Variants in EVI5 observed in about 807,000 individuals in gnomAD.
EVI5 encodes ecotropic viral integration site 5.
A neutral mutation model predicts 112.0 loss-of-function variants in EVI5; 73 were observed. The observed-to-expected ratio is 0.65, with a 90% CI of 0.54 to 0.79. The LOEUF (loss-of-function observed/expected upper bound fraction) is 0.79, where lower values mean the gene tolerates loss of function less well. Among genes scored for constraint, EVI5 ranks in the 30% least tolerant of loss-of-function variants. The probability of loss-of-function intolerance (pLI) is 0.00; values close to 1 mark genes in which losing one functional copy is unlikely to be tolerated. For synonymous variants in EVI5, 305 were observed against 319.9 expected (o/e 0.95, Z 0.50); for missense variants, 900 against 968.8 (o/e 0.93, Z 0.94).
At position 92,785,105 on chromosome 1, in the gene EVI5, G is replaced by C; in HGVS notation, c.-351C>G. 1.0e-6 allele frequency: 1 copy of C among 985,466 alleles called. No homozygotes were observed. Among genetic ancestry groups the C allele is most frequent in the Non-Finnish European group, 1.2e-6 (1 of 829,990 alleles). 61.0% of individuals were successfully genotyped at this position (985,466 alleles called of 1,614,324 possible). ...GGTCCGGCCCGGCCGCGTCAGGAGA[G>C]CCCAAGGCGCAGGCGCGGGAGGGCC... On this transcript the variant is annotated 5_prime_UTR_variant, in exon 1 of 20. Transcript: ENST00000684568.
chr1:92,656,075 T>G (rs1025687907), intron 13 of EVI5, among the ~76,000 whole-genome samples: 2 of 152,126 alleles, frequency 1.3e-5, no homozygotes, highest in African/African-American at 4.8e-5. Context: ...GGACATTCTA[T>G]TCAACAACCA....
At chr1:92,547,901 C>T (rs1390052114) in intron 19 of EVI5, among the ~76,000 whole-genome samples, 4 of 152,152 alleles carry the variant, frequency 2.6e-5, no homozygotes, top group African/African-American at 9.7e-5. Context: ...GATTCACAGC[C>T]GAATTCCACC....
chr1:92,606,032 A>G (rs1650295751), intron 17 of EVI5, among the ~76,000 whole-genome samples: 1 of 152,212 alleles, frequency 6.6e-6, no homozygotes, highest in Admixed American at 6.5e-5. Context: ...CATTCTCAAA[A>G]CCTGCAAAGG....
At chr1:92,712,459 C>T (rs1211041078) in intron 2 of EVI5, among the ~76,000 whole-genome samples, 1 of 151,878 alleles carries the variant, frequency 6.6e-6, no homozygotes, top group African/African-American at 2.4e-5. Flanking sequence ...TCCAGAAAAA[C>T]AAGCCTAGCC....
Position 92,510,462 on chromosome 1 carries a change from A to G in EVI5, c.*3194T>C, listed in dbSNP as rs1181909890. On this transcript the variant is annotated 3_prime_UTR_variant, in exon 20 of 20. Transcript: ENST00000684568. ...TTTTCCCTTTTGAATAGTTCTGATT[A>G]TAATATCCACCATGAAATTTTACGT... 1 of 152,240 alleles carries G rather than the reference A, an allele frequency of 6.6e-6. No individual in the cohort carries two copies. The allele number at this position is 152,240 out of a possible 1,614,324, so 9.4% of individuals were successfully genotyped here. A position where few individuals can be genotyped will look rare whatever the true frequency, so the allele number is the denominator to read the frequency against.
chr1:92,656,716 T>C (rs1572141936), intron 13 of EVI5, among the ~76,000 whole-genome samples: 2 of 152,042 alleles, frequency 1.3e-5, no homozygotes, highest in East Asian at 3.9e-4. Flanking sequence ...TTACAACTGA[T>C]ACCACAGAAA....
intron 9 of EVI5, 137 bp from the exon 10 acceptor site, chr1:92,677,355 G>A: frequency 2.0e-6 from 1 of 499,282 alleles, no homozygotes; most frequent in Non-Finnish European, 3.5e-6. Context: ...GGAGATATTT[G>A]ATGTGAGAAA....
At position 92,666,418 on chromosome 1, in the gene EVI5, G is replaced by C. The variant is rs1159067872; in HGVS notation, c.1159-426C>G. Among the ~76,000 whole-genome samples the C allele has an allele frequency of 2.1e-5, 3 of 145,714 alleles. No homozygotes were observed. In the Admixed American group the frequency reaches 2.1e-4, roughly 10 times the overall value. The stretch of plus-strand genomic sequence containing the variant: ...ACATACACACACAGAATGGTGGTGC[G>C]AATCTGTCGTCCCAGCTACCTGGGA... On this transcript the variant is annotated intron_variant, in intron 10 of 19. Coordinates refer to ENST00000684568, the MANE Select transcript of EVI5 (RefSeq NM_001350197.2).
At chr1:92,634,115 C>G (rs938111590) in intron 14 of EVI5, among the ~76,000 whole-genome samples, 2 of 152,010 alleles carry the variant, frequency 1.3e-5, no homozygotes, top group Non-Finnish European at 2.9e-5. Flanking sequence ...CTTAACATTT[C>G]TAAAACTTCA....
intron 19 of EVI5, among the ~76,000 whole-genome samples, chr1:92,517,446 A>G (rs1372818880): frequency 6.6e-6 from 1 of 152,180 alleles, no homozygotes; most frequent in East Asian, 1.9e-4. Flanking sequence ...AAACTCTCAG[A>G]ATCACCGTGG....
At chr1:92,547,466 A>G (rs1351629713) in intron 19 of EVI5, among the ~76,000 whole-genome samples, 3 of 152,218 alleles carry the variant, frequency 2.0e-5, no homozygotes, top group African/African-American at 4.8e-5. Context: ...AACACATTCA[A>G]AAGCTAGCAG....
intron 18 of EVI5, among the ~76,000 whole-genome samples, chr1:92,585,221 TC>T (rs368669782): frequency 1.6e-4 from 20 of 126,774 alleles, no homozygotes; most frequent in Admixed American, 1.5e-4. Flanking sequence ...AGACTCCATC[TC>T]AAAAAAAAAA....
At chr1:92,561,881 G>A (rs577852528) in intron 19 of EVI5, among the ~76,000 whole-genome samples, 1 of 152,124 alleles carries the variant, frequency 6.6e-6, no homozygotes, top group South Asian at 2.1e-4. Context: ...CAAGTGATCT[G>A]CCTGCTTCAG....
intron 13 of EVI5, among the ~76,000 whole-genome samples, chr1:92,643,650 TA>T (rs1161252999): frequency 1.2e-4 from 19 of 152,210 alleles, no homozygotes; most frequent in African/African-American, 4.6e-4. Context: ...AGTGATCTAC[TA>T]AAGACAATCA....
At chr1:92,740,193 C>T (rs1453592343) in intron 1 of EVI5, among the ~76,000 whole-genome samples, 1 of 152,158 alleles carries the variant, frequency 6.6e-6, no homozygotes, top group South Asian at 2.1e-4. Flanking sequence ...GTACATACAG[C>T]TTGCTTATAT....
At chr1:92,554,382 C>T (rs751105539) in intron 19 of EVI5, among the ~76,000 whole-genome samples, 1 of 152,176 alleles carries the variant, frequency 6.6e-6, no homozygotes, top group Non-Finnish European at 1.5e-5. Context: ...GGCATGAGTT[C>T]CATCTCAGCT....
At position 92,563,637 on chromosome 1, in the gene EVI5, CT is replaced by C; in HGVS notation, c.2166+4del. 6.7e-7 allele frequency: 1 copy of C among 1,503,204 alleles called. No homozygotes were observed. The highest frequency in any genetic ancestry group is 1.4e-5 in the African/African-American group (1 of 72,602). The allele number at this position is 1,503,204 out of a possible 1,614,324, so 93.1% of individuals were successfully genotyped here. On this transcript the variant is annotated splice_donor_region_variant and intron_variant, in intron 19 of 19. Coordinates refer to ENST00000684568, the MANE Select transcript of EVI5 (RefSeq NM_001350197.2). The stretch of plus-strand genomic sequence containing the variant: ...AATATGTGAAGATCAAAATTTATCA[CT>C]TACCTCATGATTCAGCTCTGCTATC...
intron 18 of EVI5, among the ~76,000 whole-genome samples, chr1:92,575,262 C>A (rs1401444451): frequency 6.6e-6 from 1 of 152,152 alleles, no homozygotes; most frequent in African/African-American, 2.4e-5. Flanking sequence ...TATGTGTGCA[C>A]ACACACAGAT....
intron 19 of EVI5, among the ~76,000 whole-genome samples, chr1:92,542,202 C>T (rs1055058641): frequency 2.4e-4 from 36 of 152,166 alleles, no homozygotes; most frequent in South Asian, 4.1e-4. Context: ...ATTCTAAATC[C>T]TTTGTTGCCA....
Sources: gnomAD v4.1 joint callset for allele counts (sites outside exome capture counted in the v4.1 genomes callset) on GRCh38, gnomAD v4.1.1 for gene constraint, MANE v1.5 for transcripts, NCBI Gene and HGNC (gene_info 2026-07-23, HGNC 2026-07-21) for gene names.